SETD4: variants seen among roughly 807,000 people sequenced by gnomAD.
SETD4 encodes SET domain-containing protein 4.
A neutral mutation model predicts 58.3 loss-of-function variants in SETD4; 46 were observed. The ratio of observed to expected loss-of-function variants is 0.79; its 90% CI spans 0.62 to 1.01. The LOEUF is 1.01. Among genes scored for constraint, SETD4 ranks in the 50% least tolerant of loss-of-function variants. The pLI, the probability that SETD4 is intolerant of heterozygous loss-of-function variation, is 0.00. For missense variants in SETD4, 490 were observed against 523.3 expected (o/e 0.94, Z 0.62); for synonymous variants, 190 against 202.6 (o/e 0.94, Z 0.53).
chr21:36,039,228 T>C (rs1460421018), intron 9 of SETD4, among the ~76,000 whole-genome samples: 1 of 151,836 alleles, frequency 6.6e-6, no homozygotes, highest in Non-Finnish European at 1.5e-5. Context: ...GAAAGCACGA[T>C]AATCCGCATG....
chr21:36,036,140 T>A lies in SETD4; in HGVS notation c.1300A>T (p.Ser434Cys), dbSNP rs113817008. 4 of 1,614,048 alleles carry A rather than the reference T, an allele frequency of 2.5e-6. No individual in the cohort carries two copies. In the African/African-American group the frequency reaches 4.0e-5, roughly 16 times the overall value. Residue 434 changes from serine (S) to cysteine (C), a missense_variant, in exon 11 of 12, where the codon AGT becomes TGT. By Grantham distance (112) the Ser-to-Cys change is moderately radical. Transcript: ENST00000332131. ...ILRASAETLH[S>C]LQTAFT is the part of the protein sequence containing the mutation. ...AATCAGGTAAAAGCTGTTTGCAAACTGTGCAGGGTCTCGGCAGATGCCCTG... is the reference window on the plus strand; with the variant it reads ...AATCAGGTAAAAGCTGTTTGCAAACAGTGCAGGGTCTCGGCAGATGCCCTG...
chr21:36,041,312 C>A (rs955348055), intron 8 of SETD4, among the ~76,000 whole-genome samples: 1 of 152,146 alleles, frequency 6.6e-6, no homozygotes, highest in Non-Finnish European at 1.5e-5. Flanking sequence ...CACTGCCAGG[C>A]TGCTCTCACA....
At position 36,044,721 on chromosome 21, in the gene SETD4, C is replaced by T. The variant is rs182673996; in HGVS notation, c.727-765G>A. Among the ~76,000 whole-genome samples the T allele has an allele frequency of 5.3e-5, 8 of 152,360 alleles. No individual in the cohort carries two copies. In the East Asian group the frequency reaches 1.4e-3, roughly 26 times the overall value. On this transcript the variant is annotated intron_variant, in intron 6 of 11. Transcript: ENST00000332131. ...GGAACCTCCCTAAGCTCTGATCTCACGTAGAGAGCACGAAAGCTTAGCACG... is the reference window on the plus strand; with the variant it reads ...GGAACCTCCCTAAGCTCTGATCTCATGTAGAGAGCACGAAAGCTTAGCACG...
intron 9 of SETD4, among the ~76,000 whole-genome samples, chr21:36,038,631 C>T (rs1309731950): frequency 6.6e-6 from 1 of 152,168 alleles, no homozygotes; most frequent in Non-Finnish European, 1.5e-5. Flanking sequence ...AGTCCACAGC[C>T]GAAAGGCAGA....
At chr21:36,056,959 T>C (rs2065015971) in intron 3 of SETD4, 150 bp downstream of exon 3, 1 of 664,572 alleles carries the variant, frequency 1.5e-6, no homozygotes, top group Non-Finnish European at 2.7e-6. Flanking sequence ...TAACTGGCCA[T>C]ACACAGGGGA....
chr21:36,043,858 G>GT lies in SETD4; in HGVS notation c.824dup (p.His275GlnfsTer3). 1 of 1,614,180 alleles carries GT rather than the reference G, an allele frequency of 6.2e-7. No homozygotes were observed. The highest frequency in any genetic ancestry group is 1.1e-5 in the South Asian group (1 of 91,082). Reference sequence around the variant, plus strand: ...ATTCCAGGAACAGCCGTTGATTATCGTGAGGGCCGTAACAGATGAATACCT... The same window carrying GT: ...ATTCCAGGAACAGCCGTTGATTATCGTTGAGGGCCGTAACAGATGAATACCT... On this transcript the variant is annotated frameshift_variant, in exon 7 of 12. Coordinates refer to ENST00000332131, the MANE Select transcript of SETD4 (RefSeq NM_017438.5). LOFTEE classifies it high-confidence loss of function.
chr21:36,053,227 A>G, intron 4 of SETD4: 1 of 289,556 alleles, frequency 3.5e-6, no homozygotes, highest in Non-Finnish European at 6.5e-6. Flanking sequence ...CCCAAGTTCC[A>G]AGACCCACAA....
chr21:36,045,415 G>A (rs1472201910), intron 6 of SETD4, among the ~76,000 whole-genome samples, 167 bp downstream of exon 6: 8 of 152,186 alleles, frequency 5.3e-5, no homozygotes. Context: ...GGATAGTGGG[G>A]TCTAGAAGAA....
chr21:36,041,963 T>A, intron 7 of SETD4, 75 bp from the exon 8 acceptor site: 1 of 736,178 alleles, frequency 1.4e-6, no homozygotes, highest in Non-Finnish European at 2.2e-6. Flanking sequence ...CCTTCTCAAC[T>A]CACTTCCTTT....
chr21:36,057,565 C>A, intron 2 of SETD4: 1 of 471,922 alleles, frequency 2.1e-6, no homozygotes, highest in East Asian at 3.2e-5. Context: ...ATGCAACATA[C>A]GACTATATTC....
intron 8 of SETD4, 55 bp from the exon 9 acceptor site, chr21:36,040,710 C>A: frequency 6.7e-7 from 1 of 1,485,328 alleles, no homozygotes; most frequent in Non-Finnish European, 9.4e-7. Context: ...TTCATGACCT[C>A]ATAGCAAATG....
intron 2 of SETD4, 51 bp downstream of exon 2, chr21:36,058,765 A>C: frequency 6.5e-7 from 1 of 1,541,282 alleles, no homozygotes; most frequent in Non-Finnish European, 8.7e-7. Flanking sequence ...CAAACAAGCA[A>C]TCACAAAAGG....
At chr21:36,056,973 C>G (rs1235947523) in intron 3 of SETD4, 136 bp downstream of exon 3, 1 of 704,720 alleles carries the variant, frequency 1.4e-6, no homozygotes, top group East Asian at 2.5e-5. Context: ...CAGGGGACTC[C>G]TCCTCCAACC....
At position 36,035,213 on chromosome 21, in the gene SETD4, C is replaced by T. The variant is rs1019286394; in HGVS notation, c.*780G>A. 10 of 152,378 alleles carry T rather than the reference C, an allele frequency of 6.6e-5. No homozygotes were observed. Among genetic ancestry groups the T allele is most frequent in the Admixed American group, 5.2e-4 (8 of 15,286 alleles). The allele number at this position is 152,378 out of a possible 1,614,324, so 9.4% of individuals were successfully genotyped here. A position where few individuals can be genotyped will look rare whatever the true frequency, so the allele number is the denominator to read the frequency against. On this transcript the variant is annotated 3_prime_UTR_variant, in exon 12 of 12. Transcript: ENST00000332131. Reference sequence around the variant, plus strand: ...AGAGCTGTGCAGGAAGCTCTCCCCACCCAAGGTCTGCGTGGTATCAAAACT... The same window carrying T: ...AGAGCTGTGCAGGAAGCTCTCCCCATCCAAGGTCTGCGTGGTATCAAAACT...
At chr21:36,057,289 G>T in intron 2 of SETD4, 85 bp from the exon 3 acceptor site, 1 of 990,708 alleles carries the variant, frequency 1.0e-6, no homozygotes, top group Non-Finnish European at 1.6e-6. Context: ...CTGATGAAAT[G>T]TGTCAGACAG....
chr21:36,057,080 G>C (rs1234610807), intron 3 of SETD4, 29 bp downstream of exon 3: 2 of 1,583,474 alleles, frequency 1.3e-6, no homozygotes. Context: ...GTGTGGGAAA[G>C]GGCAGGACAG....
intron 4 of SETD4, 47 bp downstream of exon 4, chr21:36,053,536 G>A: frequency 6.9e-6 from 11 of 1,605,672 alleles, no homozygotes; most frequent in Non-Finnish European, 9.4e-6. Context: ...CAAAAACAAA[G>A]CAGCAAAATC....
At chr21:36,044,084 G>T in intron 6 of SETD4, 128 bp from the exon 7 acceptor site, 1 of 1,149,808 alleles carries the variant, frequency 8.7e-7, no homozygotes, top group Non-Finnish European at 1.2e-6. Context: ...ATGTAACTAC[G>T]CATAGGGAAA....
intron 1 of SETD4, chr21:36,059,874 G>A (rs926966562): frequency 3.5e-5 from 34 of 985,378 alleles, no homozygotes; most frequent in Non-Finnish European, 3.7e-5. Flanking sequence ...CTGGTTCGGT[G>A]CGGGTCCCAG....
Sources: gnomAD v4.1 joint callset for allele counts (sites outside exome capture counted in the v4.1 genomes callset) on GRCh38, gnomAD v4.1.1 for gene constraint, MANE v1.5 for transcripts, NCBI Gene and HGNC (gene_info 2026-07-23, HGNC 2026-07-21) for gene names.